Variants in LRRC4C observed in about 807,000 individuals in gnomAD.
The protein encoded by LRRC4C is leucine-rich repeat-containing protein 4C.
Under a neutral mutation model 33.6 loss-of-function variants are expected in LRRC4C, and 5 were observed. That is an observed-to-expected ratio of 0.15 (90% CI 0.08 to 0.31). The LOEUF (loss-of-function observed/expected upper bound fraction) is 0.31. Among genes scored for constraint, LRRC4C ranks in the 10% least tolerant of loss-of-function variants. The pLI is 1.00. For missense variants in LRRC4C, 560 were observed against 796.7 expected, an observed-to-expected ratio of 0.70 and a Z score of 3.58; for synonymous variants, 329 against 302.0, an observed-to-expected ratio of 1.09 and a Z score of -0.93.
chr11:41,416,542 CA>C (rs947094563), intron 1 of LRRC4C, among the ~76,000 whole-genome samples: 3 of 151,996 alleles, frequency 2.0e-5, no homozygotes. Context: ...CAAAGCAAAG[CA>C]AATCTTTCTT....
intron 4 of LRRC4C, among the ~76,000 whole-genome samples, chr11:40,265,732 A>T (rs1942203004): frequency 6.6e-6 from 1 of 152,216 alleles, no homozygotes; most frequent in Non-Finnish European, 1.5e-5. Flanking sequence ...TCAGGCAGAC[A>T]AGTATGTGGT....
At chr11:41,429,348 C>T (rs918385191) in intron 1 of LRRC4C, among the ~76,000 whole-genome samples, 4 of 152,012 alleles carry the variant, frequency 2.6e-5, no homozygotes, top group African/African-American at 4.8e-5. Context: ...AGCATGAGGA[C>T]GGACTAATAC....
At chr11:40,804,830 T>C (rs991010157) in intron 2 of LRRC4C, among the ~76,000 whole-genome samples, 2 of 152,170 alleles carry the variant, frequency 1.3e-5, no homozygotes, top group African/African-American at 4.8e-5. Flanking sequence ...AACATTTCCA[T>C]AAATAATTAG....
In LRRC4C at chr11:41,254,665, T is replaced by C. The variant is rs191198649; in HGVS notation, c.-496+204766A>G. The stretch of plus-strand genomic sequence containing the variant: ...AAGACCATCTACTCCTGAGGAACAA[T>C]GTGTAAGGAATTTGGATGTGAGGTG... On this transcript the variant is annotated intron_variant, in intron 1 of 6. Coordinates refer to ENST00000528697, the MANE Select transcript of LRRC4C (RefSeq NM_001258419.2). Among the ~76,000 whole-genome samples the C allele has an allele frequency of 9.2e-5, 14 of 152,052 alleles. 1 individual carries two copies. Among genetic ancestry groups the C allele is most frequent in the African/African-American group, 2.6e-4 (11 of 41,518 alleles).
chr11:40,582,571 C>T (rs979535606), intron 3 of LRRC4C, among the ~76,000 whole-genome samples: 1 of 142,806 alleles, frequency 7.0e-6, no homozygotes, highest in African/African-American at 2.6e-5. Context: ...GGCTGGAGTG[C>T]AGTGGTTCAA....
At chr11:41,319,983 A>G (rs1950909450) in intron 1 of LRRC4C, among the ~76,000 whole-genome samples, 1 of 152,216 alleles carries the variant, frequency 6.6e-6, no homozygotes, top group Admixed American at 6.5e-5. Context: ...AAATGTCAAG[A>G]GTAAAATCAT....
At chr11:40,299,080 A>G (rs1944649987) in intron 4 of LRRC4C, among the ~76,000 whole-genome samples, 1 of 152,220 alleles carries the variant, frequency 6.6e-6, no homozygotes, top group South Asian at 2.1e-4. Context: ...GATCATTGCA[A>G]TCAACTACAA....
chr11:40,875,077 A>C (rs1954821854), intron 2 of LRRC4C, among the ~76,000 whole-genome samples: 2 of 152,298 alleles, frequency 1.3e-5, no homozygotes, highest in African/African-American at 4.8e-5. Context: ...GAATTTATAT[A>C]ACATTTATTA....
intron 1 of LRRC4C, among the ~76,000 whole-genome samples, chr11:41,430,869 C>T (rs1443131349): frequency 6.6e-6 from 1 of 151,808 alleles, no homozygotes; most frequent in African/African-American, 2.4e-5. Flanking sequence ...TCTCATCTTA[C>T]TTTTTCCCCT....
At chr11:40,466,415 A>G (rs1952655956) in intron 3 of LRRC4C, among the ~76,000 whole-genome samples, 2 of 152,008 alleles carry the variant, frequency 1.3e-5, no homozygotes. Flanking sequence ...TAAATCTATA[A>G]AAATAAAAAA....
intron 4 of LRRC4C, among the ~76,000 whole-genome samples, chr11:40,265,872 T>C (rs1942216608): frequency 6.6e-6 from 1 of 152,222 alleles, no homozygotes; most frequent in African/African-American, 2.4e-5. Context: ...AATTTGTTTG[T>C]TTGCAAGACG....
chr11:41,424,784 G>A (rs1425418207), intron 1 of LRRC4C, among the ~76,000 whole-genome samples: 1 of 152,020 alleles, frequency 6.6e-6, no homozygotes, highest in Non-Finnish European at 1.5e-5. Flanking sequence ...TATCTTGAGA[G>A]TCTTTTAGAT....
intron 2 of LRRC4C, among the ~76,000 whole-genome samples, chr11:40,823,720 T>C (rs1208641667): frequency 1.3e-5 from 2 of 151,788 alleles, no homozygotes; most frequent in African/African-American, 4.8e-5. Flanking sequence ...TCTGGAATGC[T>C]CATATATTGC....
chr11:40,650,964 C>T (rs2098392934), intron 2 of LRRC4C, among the ~76,000 whole-genome samples: 2 of 152,138 alleles, frequency 1.3e-5, no homozygotes, highest in Non-Finnish European at 2.9e-5. Context: ...CAAGTGCCCC[C>T]TTGTAGCCAA....
At chr11:41,368,088 G>A (rs938716735) in intron 1 of LRRC4C, among the ~76,000 whole-genome samples, 9 of 152,056 alleles carry the variant, frequency 5.9e-5, no homozygotes, top group Non-Finnish European at 1.3e-4. Flanking sequence ...ATCTATTTCT[G>A]CTATATATTT....
In LRRC4C at chr11:40,740,840, C is replaced by T. The variant is rs541716278; in HGVS notation, c.-406-92562G>A. On this transcript the variant is annotated intron_variant, in intron 2 of 6. Transcript: ENST00000528697. ...TATGAGATAAGGGTCCAATTTCTTT[C>T]CACATGTGAATAACCAATTTGTCCA... 1.4e-4 allele frequency among the ~76,000 whole-genome samples: 21 copies of T among 152,090 alleles called. 1 individual carries two copies. In the South Asian group the frequency reaches 4.4e-3, roughly 32 times the overall value.
intron 5 of LRRC4C, among the ~76,000 whole-genome samples, chr11:40,197,364 C>T (rs749047683): frequency 2.0e-5 from 3 of 152,136 alleles, no homozygotes; most frequent in Non-Finnish European, 4.4e-5. Flanking sequence ...CAAACATGTG[C>T]TTTATTTACT....
chr11:40,483,263 G>C (rs1026184116), intron 3 of LRRC4C, among the ~76,000 whole-genome samples: 10 of 152,040 alleles, frequency 6.6e-5, no homozygotes, highest in African/African-American at 2.4e-4. Context: ...GGGAGGGATG[G>C]GACCCCTTGA....
chr11:40,586,126 C>G (rs1234566088), intron 3 of LRRC4C, among the ~76,000 whole-genome samples: 67 of 150,400 alleles, frequency 4.5e-4, no homozygotes, highest in African/African-American at 1.6e-3. Flanking sequence ...CACATCCTCT[C>G]CAGCACCTGT....
Sources: allele counts gnomAD v4.1 joint callset (sites outside exome capture counted in the v4.1 genomes callset), GRCh38; gene constraint gnomAD v4.1.1; transcripts MANE v1.5; gene names NCBI Gene and HGNC (gene_info 2026-07-23, HGNC 2026-07-21).